Variants in KBTBD3 observed in about 807,000 individuals in gnomAD.
The protein encoded by KBTBD3 is kelch repeat and BTB domain-containing protein 3.
In KBTBD3, 38 loss-of-function variants were observed where a neutral mutation model predicts 49.6. The observed-to-expected ratio is 0.77, with a 90% CI of 0.59 to 1.00. The LOEUF (loss-of-function observed/expected upper bound fraction) is 1.00. Among genes scored for constraint, KBTBD3 ranks in the 50% least tolerant of loss-of-function variants. The pLI, the probability that KBTBD3 is intolerant of heterozygous loss-of-function variation, is 0.00. For missense variants in KBTBD3, 661 were observed against 712.0 expected (o/e 0.93, Z 0.81); for synonymous variants, 214 against 250.4 (o/e 0.85, Z 1.37).
intron 3 of KBTBD3, among the ~76,000 whole-genome samples, chr11:106,055,600 AGTCCATGTAGCCCAGCT>A (rs1218905518): frequency 6.6e-6 from 1 of 152,172 alleles, no homozygotes; most frequent in East Asian, 1.9e-4. Context: ...TAATATTAAG[AGTCCATGTAGCCCAGCT>A]GGCTATATGG....
intron 2 of KBTBD3, among the ~76,000 whole-genome samples, chr11:106,059,739 G>A (rs1258693090): frequency 6.6e-6 from 1 of 152,080 alleles, no homozygotes; most frequent in Non-Finnish European, 1.5e-5. Flanking sequence ...TAAACATGAG[G>A]TCAGAAATCC....
chr11:106,059,935 A>T (rs1056334237), intron 2 of KBTBD3, among the ~76,000 whole-genome samples: 2 of 152,228 alleles, frequency 1.3e-5, no homozygotes, highest in Admixed American at 1.3e-4. Flanking sequence ...CCCTAAAATT[A>T]GTGGCTTAAG....
At chr11:106,067,260 T>C (rs899343077) in intron 2 of KBTBD3, among the ~76,000 whole-genome samples, 2 of 152,178 alleles carry the variant, frequency 1.3e-5, no homozygotes, top group Non-Finnish European at 2.9e-5. Flanking sequence ...GGTGCTTCTA[T>C]CGTTCTCCTC....
chr11:106,054,473 A>T lies in KBTBD3; in HGVS notation c.234-18T>A. 2 of 1,470,580 alleles carry T rather than the reference A, an allele frequency of 1.4e-6. No homozygotes were observed. Among genetic ancestry groups the T allele is most frequent in the Non-Finnish European group, 1.8e-6 (2 of 1,107,842 alleles). The allele number at this position is 1,470,580 out of a possible 1,614,324, so 91.1% of individuals were successfully genotyped here. On this transcript the variant is annotated intron_variant, in intron 3 of 3. Transcript: ENST00000531837. ...ACATAGCCCTGCAAAAATAAAGAACACAGAAAAACAGCAAGAATATTTTAT... is the reference window on the plus strand; with the variant it reads ...ACATAGCCCTGCAAAAATAAAGAACTCAGAAAAACAGCAAGAATATTTTAT...
rs1459244311 is a variant in KBTBD3, at chr11:106,053,489, C to T, written c.1200G>A (p.Met400Ile). ...KTPRTMHTSV[M>I]ALDRLFVIGG... ...CTATGACAAATAATCTATCGAGAGCCATAACTGATGTATGCATGGTTCTTG... is the reference window on the plus strand; with the variant it reads ...CTATGACAAATAATCTATCGAGAGCTATAACTGATGTATGCATGGTTCTTG... Residue 400 changes from methionine to isoleucine, a missense_variant, in exon 4 of 4, where the codon ATG (methionine) becomes ATA (isoleucine). Met to Ile is a conservative substitution (Grantham distance 10). Coordinates refer to ENST00000531837, the MANE Select transcript of KBTBD3 (RefSeq NM_198439.3). 6.2e-7 allele frequency: 1 copy of T among 1,613,582 alleles called. No homozygotes were observed. The highest frequency in any genetic ancestry group is 8.5e-7 in the Non-Finnish European group (1 of 1,179,858).
At position 106,053,219 on chromosome 11, in the gene KBTBD3, T is replaced by C. The variant is rs1422229727; in HGVS notation, c.1470A>G (p.Val490=). 2.5e-6 allele frequency: 4 copies of C among 1,613,602 alleles called. No individual in the cohort carries two copies. Among genetic ancestry groups the C allele is most frequent in the Non-Finnish European group, 3.4e-6 (4 of 1,179,846 alleles). The change falls in exon 4 of 4, where the codon GTA becomes GTG. Residue 490 remains valine (V), a synonymous_variant. Transcript: ENST00000531837. ...NATTDQWSEL[V]AEFGQFFHAT... ...CATGAAAAAATTGCCCAAACTCTGC[T>C]ACTAGTTCAGACCACTGATCAGTTG...
Position 106,060,356 on chromosome 11 carries a change from A to G in KBTBD3, c.-12-1247T>C, listed in dbSNP as rs141101312. Among the ~76,000 whole-genome samples the G allele has an allele frequency of 3.2e-3, 488 of 152,254 alleles. 4 individuals carry two copies. Among genetic ancestry groups the G allele is most frequent in the African/African-American group, 0.011 (466 of 41,556 alleles). ...TAACTATTTTCCAAAACAAAAAAAAAGTTTCTTGAGAAGGGTTACATTGTT... is the reference window on the plus strand; with the variant it reads ...TAACTATTTTCCAAAACAAAAAAAAGGTTTCTTGAGAAGGGTTACATTGTT... On this transcript the variant is annotated intron_variant, in intron 2 of 3. Coordinates refer to ENST00000531837, the MANE Select transcript of KBTBD3 (RefSeq NM_198439.3).
chr11:106,075,945 AT>A (rs1565407671), intron 2 of KBTBD3: 1 of 152,224 alleles, frequency 6.6e-6, no homozygotes, highest in Non-Finnish European at 1.5e-5. Flanking sequence ...GAATTCCTGA[AT>A]TTAAACAAAT....
chr11:106,054,382 C>A lies in KBTBD3; in HGVS notation c.307G>T (p.Val103Leu). The part of the protein sequence containing the change: ...VTITNLSSKA[V>L]KAFLDYAYTG... ...TAGGCATAATCGAGAAATGCTTTTACTGCCTTGGAGGACAAATTAGTAATG... is the reference window on the plus strand; with the variant it reads ...TAGGCATAATCGAGAAATGCTTTTAATGCCTTGGAGGACAAATTAGTAATG... Residue 103 changes from valine to leucine, a missense_variant, in exon 4 of 4, where the codon GTA becomes TTA. By Grantham distance (32) the Val-to-Leu change is conservative (BLOSUM62 1). Coordinates refer to ENST00000531837, the MANE Select transcript of KBTBD3 (RefSeq NM_198439.3). The A allele has an allele frequency of 1.2e-6, 2 of 1,610,654 alleles. No homozygotes were observed. Among genetic ancestry groups the A allele is most frequent in the Non-Finnish European group, 1.7e-6 (2 of 1,178,072 alleles).
intron 3 of KBTBD3, among the ~76,000 whole-genome samples, chr11:106,055,819 C>T (rs1266701779): frequency 1.3e-5 from 2 of 152,080 alleles, no homozygotes; most frequent in African/African-American, 2.4e-5. Context: ...TTATTGGTAT[C>T]ATTATTTTAA....
chr11:106,057,820 C>CT, intron 3 of KBTBD3: 1 of 368,656 alleles, frequency 2.7e-6, no homozygotes, highest in Non-Finnish European at 4.8e-6. Flanking sequence ...AGACCCTCCT[C>CT]TCCCCGTAAT....
At chr11:106,061,352 G>A (rs1397299698) in intron 2 of KBTBD3, among the ~76,000 whole-genome samples, 1 of 152,198 alleles carries the variant, frequency 6.6e-6, no homozygotes, top group Non-Finnish European at 1.5e-5. Context: ...TAAATTACTT[G>A]TAAGTAAACA....
chr11:106,062,296 G>C (rs952806630), intron 2 of KBTBD3, among the ~76,000 whole-genome samples: 1 of 152,106 alleles, frequency 6.6e-6, no homozygotes, highest in African/African-American at 2.4e-5. Flanking sequence ...GGATGAAGAT[G>C]AGGGCAGAGA....
intron 3 of KBTBD3, 112 bp downstream of exon 3, chr11:106,058,753 T>TTTTTTTTTTA (rs1375718068): frequency 1.4e-6 from 1 of 698,996 alleles, no homozygotes; most frequent in African/African-American, 1.9e-5. Flanking sequence ...TTTTTTTTTT[T>TTTTTTTTTTA]AGAATTAAAA....
At chr11:106,069,380 A>G (rs1272726622) in intron 2 of KBTBD3, among the ~76,000 whole-genome samples, 1 of 152,068 alleles carries the variant, frequency 6.6e-6, no homozygotes, top group African/African-American at 2.4e-5. Flanking sequence ...CATAGAACGA[A>G]TCAGCAAGTT....
intron 2 of KBTBD3, among the ~76,000 whole-genome samples, chr11:106,059,362 A>C (rs960303210): frequency 7.2e-5 from 11 of 152,244 alleles, no homozygotes; most frequent in African/African-American, 2.7e-4. Context: ...TAATTGTGTT[A>C]AATAGCAAAA....
intron 2 of KBTBD3, among the ~76,000 whole-genome samples, chr11:106,075,331 G>C (rs1349770224): frequency 6.6e-6 from 1 of 152,136 alleles, no homozygotes. Context: ...GGGAAGTAAA[G>C]GCAGATAGAA....
intron 2 of KBTBD3, among the ~76,000 whole-genome samples, chr11:106,073,091 A>G (rs1464426144): frequency 1.3e-5 from 2 of 151,734 alleles, no homozygotes; most frequent in African/African-American, 4.8e-5. Flanking sequence ...GCTTTGTACT[A>G]TATTTTTTGT....
At chr11:106,059,345 G>A (rs1376084659) in intron 2 of KBTBD3, among the ~76,000 whole-genome samples, 1 of 152,124 alleles carries the variant, frequency 6.6e-6, no homozygotes, top group African/African-American at 2.4e-5. Context: ...TAACATTGAA[G>A]GCTATATAAT....
Sources: allele counts gnomAD v4.1 joint callset (sites outside exome capture counted in the v4.1 genomes callset), GRCh38; gene constraint gnomAD v4.1.1; transcripts MANE v1.5; gene names NCBI Gene and HGNC (gene_info 2026-07-23, HGNC 2026-07-21).